The following HECW2 variants were observed in gnomAD, a reference collection of about 807,000 sequenced individuals.
HECW2 encodes the protein E3 ubiquitin-protein ligase HECW2.
HECW2 carries 61 observed loss-of-function variants against 175.2 expected under a neutral mutation model. The observed-to-expected ratio is 0.35, with a 90% CI of 0.28 to 0.43. The LOEUF (loss-of-function observed/expected upper bound fraction) is 0.43, where lower values mean the gene tolerates loss of function less well. Ranked by LOEUF, HECW2 falls within the 20% of genes least tolerant of loss-of-function variation. HECW2 has a pLI of 1.00. For missense variants in HECW2, 1,524 were observed against 2,000.5 expected, an observed-to-expected ratio of 0.76 and a Z score of 4.54; for synonymous variants, 671 against 731.0, an observed-to-expected ratio of 0.92 and a Z score of 1.32.
At chr2:196,518,499 T>C (rs1440830185) in intron 1 of HECW2, among the ~76,000 whole-genome samples, 2 of 151,488 alleles carry the variant, frequency 1.3e-5, no homozygotes, top group African/African-American at 4.9e-5. Flanking sequence ...CTATTAAAAA[T>C]ACAAAAATTA....
chr2:196,357,676 C>T lies in HECW2; in HGVS notation c.293-13912G>A, dbSNP rs148585034. Among the ~76,000 whole-genome samples the T allele has an allele frequency of 4.0e-4, 61 of 152,260 alleles. 1 individual carries two copies. The East Asian group carries it at 0.011, about 27-fold the overall frequency. ...GGAAGGACTTGTAATCCCCACATGT[C>T]GAGGGAGGGAGGTCATTGGATCATG... On this transcript the variant is annotated intron_variant, in intron 2 of 28. Coordinates refer to ENST00000644978, the MANE Select transcript of HECW2 (RefSeq NM_001348768.2).
intron 5 of HECW2, among the ~76,000 whole-genome samples, chr2:196,328,721 T>G (rs1051274609): frequency 6.6e-6 from 1 of 152,346 alleles, no homozygotes. Flanking sequence ...GGAGATCCAT[T>G]AGACTTTATT....
chr2:196,194,235 C>A lies in HECW2; in HGVS notation c.*7042G>T, dbSNP rs1686618449. ...AATATAAATAAAAATAAACAAAATA[C>A]TATAAATACTATGAAAACAGAACCT... On this transcript the variant is annotated 3_prime_UTR_variant, in exon 29 of 29. Coordinates refer to ENST00000644978, the MANE Select transcript of HECW2 (RefSeq NM_001348768.2). 1 of 151,290 alleles carries A rather than the reference C, an allele frequency of 6.6e-6. No individual in the cohort carries two copies. Among genetic ancestry groups the A allele is most frequent in the African/African-American group, 2.4e-5 (1 of 41,292 alleles). The allele number at this position is 151,290 out of a possible 1,614,324, so 9.4% of individuals were successfully genotyped here.
rs1248726532 is a variant in HECW2 at position 196,353,181 on chromosome 2, T to G, written c.293-9417A>C. On this transcript the variant is annotated intron_variant, in intron 2 of 28. Coordinates refer to ENST00000644978, the MANE Select transcript of HECW2 (RefSeq NM_001348768.2). ...TGGTCAGGATTTGGCTCCAGGGACA[T>G]TGCTCTGGCCATCCCATTCACCTGG... is the stretch of plus-strand genomic sequence containing the variant. Among the ~76,000 whole-genome samples, 9 of 152,160 alleles carry G rather than the reference T, an allele frequency of 5.9e-5. No homozygotes were observed. In the East Asian group the frequency reaches 1.7e-3, roughly 29 times the overall value.
At chr2:196,541,670 T>C (rs1375886573) in intron 1 of HECW2, among the ~76,000 whole-genome samples, 3 of 152,122 alleles carry the variant, frequency 2.0e-5, no homozygotes, top group Admixed American at 6.5e-5. Flanking sequence ...TTCAATCACC[T>C]TTCATGATTC....
At chr2:196,464,831 G>A (rs528600340) in intron 1 of HECW2, among the ~76,000 whole-genome samples, 1 of 152,270 alleles carries the variant, frequency 6.6e-6, no homozygotes, top group South Asian at 2.1e-4. Context: ...CACGAGGTCA[G>A]GAGTTCGAGA....
chr2:196,226,756 T>C (rs1164897881), intron 22 of HECW2, among the ~76,000 whole-genome samples: 1 of 152,204 alleles, frequency 6.6e-6, no homozygotes, highest in Non-Finnish European at 1.5e-5. Flanking sequence ...TCAAGAAAGT[T>C]CCTATCCCTA....
chr2:196,360,239 T>C (rs1559066588), intron 2 of HECW2, among the ~76,000 whole-genome samples: 1 of 152,318 alleles, frequency 6.6e-6, no homozygotes, highest in East Asian at 1.9e-4. Flanking sequence ...TAATAGCACA[T>C]GCCTGCGCAT....
intron 1 of HECW2, among the ~76,000 whole-genome samples, chr2:196,502,254 T>C (rs1254031755): frequency 6.6e-6 from 1 of 152,218 alleles, no homozygotes; most frequent in East Asian, 1.9e-4. Flanking sequence ...ACTTTGGTGT[T>C]CCAGACTTTT....
intron 2 of HECW2, among the ~76,000 whole-genome samples, chr2:196,404,219 G>C (rs144721361): frequency 0.011 from 1,666 of 152,220 alleles, 29 homozygotes; most frequent in African/African-American, 0.038. Context: ...GAGACTGGGC[G>C]TAAGTCCCAT....
chr2:196,499,087 CA>C (rs1687492217), intron 1 of HECW2, among the ~76,000 whole-genome samples: 1 of 152,114 alleles, frequency 6.6e-6, no homozygotes, highest in Non-Finnish European at 1.5e-5. Context: ...CTCAGAGAGG[CA>C]AATTTGAGAA....
intron 13 of HECW2, among the ~76,000 whole-genome samples, chr2:196,300,326 G>A (rs1291138295): frequency 6.6e-6 from 1 of 152,180 alleles, no homozygotes; most frequent in East Asian, 1.9e-4. Context: ...AAAGTTTACT[G>A]CCTTTTTCTT....
intron 1 of HECW2, among the ~76,000 whole-genome samples, chr2:196,559,938 G>A (rs905574054): frequency 3.3e-5 from 5 of 152,092 alleles, no homozygotes; most frequent in African/African-American, 1.2e-4. Context: ...AGTATCTGCA[G>A]GTACTTCACA....
chr2:196,212,964 T>C (rs567040847), intron 28 of HECW2, among the ~76,000 whole-genome samples: 53 of 152,220 alleles, frequency 3.5e-4, no homozygotes, highest in Non-Finnish European at 6.5e-4. Flanking sequence ...GCTCTTCCAT[T>C]GTGCAACTTA....
intron 15 of HECW2, among the ~76,000 whole-genome samples, chr2:196,277,586 G>C (rs927651084): frequency 6.6e-6 from 1 of 152,044 alleles, no homozygotes; most frequent in Non-Finnish European, 1.5e-5. Context: ...CAGGGATCTA[G>C]AACTAGAAAT....
At chr2:196,265,433 C>T (rs536440017) in intron 17 of HECW2, among the ~76,000 whole-genome samples, 16 of 152,148 alleles carry the variant, frequency 1.1e-4, no homozygotes, top group African/African-American at 3.4e-4. Flanking sequence ...TGCAGTGAGC[C>T]GAGATTGTGC....
At chr2:196,548,288 C>G (rs1309949716) in intron 1 of HECW2, among the ~76,000 whole-genome samples, 1 of 149,880 alleles carries the variant, frequency 6.7e-6, no homozygotes, top group Non-Finnish European at 1.5e-5. Flanking sequence ...TGAGATCTCG[C>G]CAGTGCACTC....
intron 5 of HECW2, among the ~76,000 whole-genome samples, chr2:196,325,411 G>A (rs1374869516): frequency 6.6e-6 from 1 of 152,190 alleles, no homozygotes; most frequent in Non-Finnish European, 1.5e-5. Context: ...AGTAATTTCA[G>A]CAGAGGGGTC....
intron 2 of HECW2, among the ~76,000 whole-genome samples, chr2:196,425,765 C>T (rs1208887868): frequency 6.6e-6 from 1 of 152,110 alleles, no homozygotes; most frequent in Non-Finnish European, 1.5e-5. Flanking sequence ...GATAAAGAAG[C>T]TGTGAACATT....
Sources: gnomAD v4.1 joint callset for allele counts (sites outside exome capture counted in the v4.1 genomes callset) on GRCh38, gnomAD v4.1.1 for gene constraint, MANE v1.5 for transcripts, NCBI Gene and HGNC (gene_info 2026-07-23, HGNC 2026-07-21) for gene names.